Variants in ITPR2 observed in about 807,000 individuals in gnomAD.
The protein encoded by ITPR2 is inositol 1,4,5-trisphosphate receptor type 2.
In ITPR2, 207 loss-of-function variants were observed where a neutral mutation model predicts 317.1. The observed-to-expected ratio is 0.65, with a 90% CI of 0.58 to 0.73. ITPR2 has a LOEUF of 0.73. ITPR2 is among the 30% of genes least tolerant of loss of function. The pLI is 0.00. For synonymous variants in ITPR2, 1,156 were observed against 1,149.1 expected (o/e 1.01, Z -0.12); for missense variants, 2,613 against 3,284.0 (o/e 0.80, Z 4.99).
intron 22 of ITPR2, among the ~76,000 whole-genome samples, chr12:26,630,149 G>C (rs1287860165): frequency 1.3e-5 from 2 of 152,136 alleles, no homozygotes; most frequent in Non-Finnish European, 2.9e-5. Context: ...ACATGGAAGG[G>C]TGTTTAAAAT....
intron 44 of ITPR2, 61 bp from the exon 45 acceptor site, chr12:26,475,479 G>A (rs1422623991): frequency 6.4e-7 from 1 of 1,557,668 alleles, no homozygotes; most frequent in African/African-American, 1.4e-5. Flanking sequence ...ATATTTTTAT[G>A]AGATTTAATT....
chr12:26,762,131 G>A (rs1003433427), intron 2 of ITPR2, among the ~76,000 whole-genome samples: 4 of 152,074 alleles, frequency 2.6e-5, no homozygotes, highest in Admixed American at 6.5e-5. Flanking sequence ...TAGGAATTAC[G>A]GGGTCCCAGA....
intron 2 of ITPR2, among the ~76,000 whole-genome samples, chr12:26,756,285 C>A (rs1949517830): frequency 6.6e-6 from 1 of 152,070 alleles, no homozygotes. Context: ...TTCCTGTGAA[C>A]CAACCAGTAA....
chr12:26,519,850 C>G (rs966733265), intron 37 of ITPR2, among the ~76,000 whole-genome samples: 4 of 152,002 alleles, frequency 2.6e-5, no homozygotes, highest in African/African-American at 9.7e-5. Context: ...ATGGCAAAAT[C>G]AACGAGATAT....
intron 37 of ITPR2, among the ~76,000 whole-genome samples, chr12:26,527,799 G>A (rs1233771329): frequency 6.6e-6 from 1 of 152,208 alleles, no homozygotes; most frequent in African/African-American, 2.4e-5. Context: ...TAAAGGTAAT[G>A]ACAATTTACT....
At chr12:26,394,889 C>A (rs1939948860) in intron 54 of ITPR2, among the ~76,000 whole-genome samples, 1 of 151,988 alleles carries the variant, frequency 6.6e-6, no homozygotes, top group Non-Finnish European at 1.5e-5. Context: ...AAAGGAGATG[C>A]TAAACATGAT....
chr12:26,473,350 G>A (rs1192999401), intron 45 of ITPR2, among the ~76,000 whole-genome samples: 5 of 152,078 alleles, frequency 3.3e-5, no homozygotes, highest in Admixed American at 1.3e-4. Context: ...ATTGTCTGCT[G>A]GCCAATCTGT....
chr12:26,578,872 A>C, intron 33 of ITPR2, 39 bp from the exon 34 acceptor site: 1 of 1,575,270 alleles, frequency 6.3e-7, no homozygotes, highest in Non-Finnish European at 8.7e-7. Flanking sequence ...GAGATGCTAA[A>C]CCATTAACAG....
intron 48 of ITPR2, among the ~76,000 whole-genome samples, chr12:26,434,409 C>T (rs1229597816): frequency 6.6e-6 from 1 of 152,124 alleles, no homozygotes; most frequent in Admixed American, 6.5e-5. Flanking sequence ...ATTGGCCAGG[C>T]AAGTATTACA....
At chr12:26,392,486 A>C (rs1316573446) in intron 54 of ITPR2, among the ~76,000 whole-genome samples, 4 of 152,048 alleles carry the variant, frequency 2.6e-5, no homozygotes, top group Non-Finnish European at 5.9e-5. Context: ...TGGGCCCACA[A>C]CACTTCACTA....
At chr12:26,573,022 T>C (rs2137058575) in intron 34 of ITPR2, among the ~76,000 whole-genome samples, 1 of 151,368 alleles carries the variant, frequency 6.6e-6, no homozygotes, top group East Asian at 1.9e-4. Context: ...TATTTATTTA[T>C]TTATTTATTT....
At chr12:26,580,201 A>T in intron 32 of ITPR2, 46 bp from the exon 33 acceptor site, 1 of 1,580,184 alleles carries the variant, frequency 6.3e-7, no homozygotes, top group Non-Finnish European at 8.6e-7. Flanking sequence ...CACATTTTTA[A>T]ACCACAATTC....
intron 1 of ITPR2, among the ~76,000 whole-genome samples, chr12:26,815,917 C>A (rs1350983135): frequency 6.6e-6 from 1 of 151,824 alleles, no homozygotes; most frequent in African/African-American, 2.4e-5. Flanking sequence ...CACGGTGAAA[C>A]CCCACCTCCA....
At chr12:26,645,114 G>A (rs578034331) in intron 21 of ITPR2, among the ~76,000 whole-genome samples, 3 of 152,134 alleles carry the variant, frequency 2.0e-5, no homozygotes, top group Non-Finnish European at 4.4e-5. Flanking sequence ...TTCTACTGGT[G>A]TTGATCCTAA....
chr12:26,457,975 C>A (rs528772541), intron 45 of ITPR2, among the ~76,000 whole-genome samples: 5 of 152,236 alleles, frequency 3.3e-5, no homozygotes, highest in Middle Eastern at 3.4e-3. Context: ...TAAGAGTAAC[C>A]AGGAGCATGC....
chr12:26,443,671 A>G, intron 45 of ITPR2, 21 bp from the exon 46 acceptor site: 2 of 1,597,140 alleles, frequency 1.3e-6, no homozygotes, highest in Non-Finnish European at 1.7e-6. Context: ...GAAAAAATAA[A>G]GGTTTTAGGT....
Position 26,487,107 on chromosome 12 carries a change from C to T in ITPR2, c.5515G>A (p.Asp1839Asn), listed in dbSNP as rs1188679238. 2.5e-6 allele frequency: 4 copies of T among 1,612,136 alleles called. No homozygotes were observed. In the East Asian group the frequency reaches 6.7e-5, roughly 27 times the overall value. Residue 1839 changes from aspartate (D) to asparagine (N), a missense_variant, in exon 40 of 57, where the codon GAT becomes AAT. Asp to Asn is a conservative substitution (Grantham distance 23). Around this residue, in one of 9 missense-constraint regions of ITPR2, gnomAD observed 926 missense variants for 1,072.8 expected, o/e 0.86. Transcript: ENST00000381340. Reference sequence around the variant, plus strand: ...CCAGATGTCATCAATTCATTGTCATCGTCCCTTTTTTTGTTACCTAAATCT... The same window carrying T: ...CCAGATGTCATCAATTCATTGTCATTGTCCCTTTTTTTGTTACCTAAATCT... ...TIDLGNKKRD[D>N]DNELMTSGPR...
chr12:26,723,814 C>T (rs1948876591), intron 4 of ITPR2, among the ~76,000 whole-genome samples: 1 of 152,170 alleles, frequency 6.6e-6, no homozygotes, highest in Non-Finnish European at 1.5e-5. Context: ...TATGAGCACA[C>T]ATAGGAGAAA....
rs765290686 is a variant in ITPR2, at chr12:26,507,849, TTCTC to T, written c.5074-12593_5074-12590del. ...TGAGTCAATGAATATCTCTCTACTC[TTCTC>T]TCTCTGTCTCTGTGTGTGTGTGTGT... is the stretch of plus-strand genomic sequence containing the variant. On this transcript the variant is annotated intron_variant, in intron 37 of 56. Transcript: ENST00000381340. Among the ~76,000 whole-genome samples, 645 of 115,396 alleles carry T rather than the reference TTCTC, an allele frequency of 5.6e-3. 11 individuals carry two copies. The highest frequency in any genetic ancestry group is 0.03 in the Admixed American group (385 of 12,760). 75.7% of individuals were successfully genotyped at this position (115,396 alleles called of 152,430 possible). A position where few individuals can be genotyped will look rare whatever the true frequency, so the allele number is the denominator to read the frequency against.
Sources: gnomAD v4.1 joint callset for allele counts (sites outside exome capture counted in the v4.1 genomes callset) on GRCh38, gnomAD v4.1.1 for gene constraint, gnomAD v4.1.1 regional missense constraint, MANE v1.5 for transcripts, NCBI Gene and HGNC (gene_info 2026-07-23, HGNC 2026-07-21) for gene names.